Variants in DNAJB6 observed in about 807,000 individuals in gnomAD.
DNAJB6 encodes DnaJ heat shock protein family (Hsp40) member B6.
In DNAJB6, 16 loss-of-function variants were observed where a neutral mutation model predicts 42.7. The ratio of observed to expected loss-of-function variants is 0.37; its 90% CI spans 0.25 to 0.57. The LOEUF (loss-of-function observed/expected upper bound fraction) is 0.57. Ranked by LOEUF, DNAJB6 falls within the 20% of genes least tolerant of loss-of-function variation. The probability of loss-of-function intolerance (pLI) is 0.74; values close to 1 mark genes in which losing one functional copy is unlikely to be tolerated. For synonymous variants in DNAJB6, 170 were observed against 163.5 expected, an observed-to-expected ratio of 1.04 and a Z score of -0.30; for missense variants, 347 against 416.8, an observed-to-expected ratio of 0.83 and a Z score of 1.46.
At chr7:157,387,523 A>G (rs1055180247) in intron 8 of DNAJB6, among the ~76,000 whole-genome samples, 1 of 152,220 alleles carries the variant, frequency 6.6e-6, no homozygotes, top group Non-Finnish European at 1.5e-5. Context: ...ATTTTTCATT[A>G]GTGGGTGGGA....
chr7:157,383,166 C>T (rs1800873726), intron 6 of DNAJB6, among the ~76,000 whole-genome samples: 1 of 152,028 alleles, frequency 6.6e-6, no homozygotes, highest in Non-Finnish European at 1.5e-5. Flanking sequence ...ACCAGCAGGC[C>T]CAGCTAATTT....
chr7:157,377,220 GT>G (rs1306085281), intron 5 of DNAJB6, among the ~76,000 whole-genome samples: 6 of 152,228 alleles, frequency 3.9e-5, no homozygotes, highest in Admixed American at 3.9e-4. Flanking sequence ...TAATAAGACT[GT>G]TCACAGATGC....
At chr7:157,338,892 T>G (rs537806407) in intron 1 of DNAJB6, among the ~76,000 whole-genome samples, 4 of 152,204 alleles carry the variant, frequency 2.6e-5, no homozygotes, top group Non-Finnish European at 5.9e-5. Flanking sequence ...TCATCTGTGC[T>G]GTGGAAGGTG....
chr7:157,399,923 C>A (rs922802318), intron 8 of DNAJB6, among the ~76,000 whole-genome samples: 11 of 152,182 alleles, frequency 7.2e-5, no homozygotes, highest in African/African-American at 2.7e-4. Context: ...CCTGCCTCAG[C>A]CTCCCAAAGT....
At chr7:157,391,734 T>G (rs993232321) in intron 8 of DNAJB6, among the ~76,000 whole-genome samples, 1 of 152,258 alleles carries the variant, frequency 6.6e-6, no homozygotes, top group Non-Finnish European at 1.5e-5. Context: ...TAGAGTCTTA[T>G]GTACTTGCAG....
intron 5 of DNAJB6, among the ~76,000 whole-genome samples, chr7:157,373,317 T>C (rs536708346): frequency 6.6e-6 from 1 of 152,298 alleles, no homozygotes; most frequent in East Asian, 1.9e-4. Flanking sequence ...TTTTGAAAGG[T>C]GAAAGGAGGA....
intron 8 of DNAJB6, among the ~76,000 whole-genome samples, chr7:157,399,125 T>C (rs776574099): frequency 3.4e-5 from 5 of 146,782 alleles, no homozygotes; most frequent in Non-Finnish European, 7.4e-5. Flanking sequence ...AGTTGTTTTC[T>C]TAAGGATGTT....
At chr7:157,402,007 C>T (rs576846842) in intron 8 of DNAJB6, among the ~76,000 whole-genome samples, 187 of 152,320 alleles carry the variant, frequency 1.2e-3, no homozygotes, top group Non-Finnish European at 2.1e-3. Context: ...CCTTCCCCTG[C>T]GGTCGCTGTG....
At chr7:157,367,259 G>GA in intron 4 of DNAJB6, 114 bp from the exon 5 acceptor site, 1 of 713,074 alleles carries the variant, frequency 1.4e-6, no homozygotes, top group Non-Finnish European at 2.5e-6. Flanking sequence ...TCAGGTTTAT[G>GA]AAATATTTTT....
chr7:157,406,308 C>T (rs1795765208), intron 8 of DNAJB6, among the ~76,000 whole-genome samples: 1 of 152,254 alleles, frequency 6.6e-6, no homozygotes. Context: ...CACATCTCCA[C>T]CTTCATCTTC....
intron 5 of DNAJB6, 61 bp downstream of exon 5, chr7:157,367,544 G>A (rs1161119985): frequency 2.0e-5 from 20 of 996,900 alleles, no homozygotes; most frequent in Non-Finnish European, 3.1e-5. Context: ...GGCTTACTTA[G>A]TATGGCCTTT....
chr7:157,351,403 C>T (rs758575782), intron 1 of DNAJB6, among the ~76,000 whole-genome samples: 6 of 151,824 alleles, frequency 4.0e-5, no homozygotes, highest in South Asian at 2.1e-4. Flanking sequence ...CCGAGGAGGG[C>T]GGATCTACAA....
chr7:157,340,258 C>G (rs1798291322), intron 1 of DNAJB6, among the ~76,000 whole-genome samples: 1 of 152,156 alleles, frequency 6.6e-6, no homozygotes, highest in Non-Finnish European at 1.5e-5. Flanking sequence ...TGATTCTGTT[C>G]AAAATGTGGT....
intron 8 of DNAJB6, among the ~76,000 whole-genome samples, chr7:157,405,482 G>A (rs575311149): frequency 1.5e-4 from 23 of 152,242 alleles, no homozygotes; most frequent in South Asian, 8.3e-4. Context: ...ACTGGGAGGC[G>A]AATGGGCCAG....
chr7:157,339,601 T>TTGTGTGTGTGTG (rs59577692), intron 1 of DNAJB6, among the ~76,000 whole-genome samples: 40 of 122,426 alleles, frequency 3.3e-4, no homozygotes, highest in African/African-American at 1.1e-3. Context: ...GCCCGGCCTT[T>TTGTGTGTGTGTG]TGTGTGTGTG....
intron 1 of DNAJB6, among the ~76,000 whole-genome samples, chr7:157,348,369 C>G (rs1273650029): frequency 6.6e-6 from 1 of 152,240 alleles, no homozygotes; most frequent in African/African-American, 2.4e-5. Context: ...GCTGGAATTA[C>G]AGGCATGAGC....
At chr7:157,366,051 A>T (rs1341301647) in intron 3 of DNAJB6, among the ~76,000 whole-genome samples, 1 of 152,090 alleles carries the variant, frequency 6.6e-6, no homozygotes, top group Non-Finnish European at 1.5e-5. Context: ...CCCGGGTTCC[A>T]GCTATTCTCT....
At chr7:157,376,749 C>T (rs926278076) in intron 5 of DNAJB6, among the ~76,000 whole-genome samples, 3 of 152,038 alleles carry the variant, frequency 2.0e-5, no homozygotes, top group African/African-American at 7.2e-5. Context: ...GGCGGGGTGG[C>T]AGGCACCTGT....
intron 8 of DNAJB6, among the ~76,000 whole-genome samples, chr7:157,392,447 G>A (rs151254999): frequency 1.3e-5 from 2 of 151,402 alleles, no homozygotes; most frequent in East Asian, 1.9e-4. Flanking sequence ...GTGTGCGTGC[G>A]TGTGCCTGTT....
Sources: gnomAD v4.1 joint callset for allele counts (sites outside exome capture counted in the v4.1 genomes callset) on GRCh38, gnomAD v4.1.1 for gene constraint, MANE v1.5 for transcripts, NCBI Gene and HGNC (gene_info 2026-07-23, HGNC 2026-07-21) for gene names.